The following DDHD1 variants were observed in gnomAD, a reference collection of about 807,000 sequenced individuals.
The protein encoded by DDHD1 is DDHD domain containing 1.
Under a neutral mutation model 96.4 loss-of-function variants are expected in DDHD1, and 49 were observed. The observed-to-expected ratio is 0.51, with a 90% CI of 0.40 to 0.64. The LOEUF (loss-of-function observed/expected upper bound fraction) is 0.64, where lower values mean the gene tolerates loss of function less well. Ranked by LOEUF, DDHD1 falls within the 30% of genes least tolerant of loss-of-function variation. DDHD1 has a pLI of 0.00. For missense variants in DDHD1, 1,106 were observed against 1,161.2 expected (o/e 0.95, Z 0.69); for synonymous variants, 442 against 446.5 (o/e 0.99, Z 0.13).
chr14:53,147,331 T>C (rs969340278), intron 1 of DDHD1, among the ~76,000 whole-genome samples: 8 of 152,164 alleles, frequency 5.3e-5, no homozygotes, highest in Admixed American at 1.3e-4. Flanking sequence ...AAGGTCTCTT[T>C]TATAAGAAAA....
At chr14:53,129,705 CT>C (rs973484841) in intron 1 of DDHD1, among the ~76,000 whole-genome samples, 9 of 152,166 alleles carry the variant, frequency 5.9e-5, no homozygotes, top group Admixed American at 5.9e-4. Flanking sequence ...ACCTCCATTC[CT>C]CCTTCTTCTC....
At chr14:53,051,984 TTCAA>T in intron 11 of DDHD1, 57 bp from the exon 12 acceptor site, 1 of 1,348,450 alleles carries the variant, frequency 7.4e-7, no homozygotes, top group African/African-American at 1.5e-5. Context: ...AAAAATGGCC[TTCAA>T]TGATGTAGTG....
intron 4 of DDHD1, among the ~76,000 whole-genome samples, chr14:53,075,043 G>A (rs772951353): frequency 9.9e-5 from 15 of 152,046 alleles, no homozygotes; most frequent in Admixed American, 2.6e-4. Flanking sequence ...CTCCTGCTCC[G>A]AGGGCTTCCG....
chr14:53,088,155 T>C (rs1248105196), intron 4 of DDHD1, among the ~76,000 whole-genome samples: 1 of 151,856 alleles, frequency 6.6e-6, no homozygotes, highest in East Asian at 1.9e-4. Context: ...AATAATAGGC[T>C]CTGAAATTAA....
intron 1 of DDHD1, among the ~76,000 whole-genome samples, chr14:53,145,323 A>G (rs944373913): frequency 6.6e-6 from 1 of 151,758 alleles, no homozygotes; most frequent in South Asian, 2.1e-4. Context: ...ACATAGGAAG[A>G]CCATGTCTCT....
intron 2 of DDHD1, among the ~76,000 whole-genome samples, chr14:53,097,201 T>C (rs1886953060): frequency 6.6e-6 from 1 of 151,998 alleles, no homozygotes; most frequent in South Asian, 2.1e-4. Flanking sequence ...AAAGGTTAAA[T>C]ACTGCTCAAA....
rs186100944 is a variant in DDHD1, at chr14:53,081,032, T to C, written c.1290-7185A>G. On this transcript the variant is annotated intron_variant, in intron 4 of 12. Transcript: ENST00000673822. ...GAGAAGTCTATCTTCATTTTCAGTATATTTTAAAAGACATTGCATTATAAT... is the reference window on the plus strand; with the variant it reads ...GAGAAGTCTATCTTCATTTTCAGTACATTTTAAAAGACATTGCATTATAAT... 3.6e-3 allele frequency among the ~76,000 whole-genome samples: 541 copies of C among 152,352 alleles called. 4 individuals carry two copies. Among genetic ancestry groups the C allele is most frequent in the African/African-American group, 0.012 (510 of 41,586 alleles).
At position 53,058,454 on chromosome 14, in the gene DDHD1, A is replaced by G. The variant is rs192262781; in HGVS notation, c.1992+23T>C. ...AGGAACAATTTGACATTGAGAAAAA[A>G]AAGAGTCTATATTGCAACTCACCAC... On this transcript the variant is annotated intron_variant, in intron 9 of 12. Coordinates refer to ENST00000673822, the MANE Select transcript of DDHD1 (RefSeq NM_001160148.2). 8.2e-6 allele frequency: 13 copies of G among 1,581,226 alleles called. No individual in the cohort carries two copies. In the East Asian group the frequency reaches 2.0e-4, roughly 25 times the overall value.
chr14:53,063,414 G>T (rs1183125892), intron 6 of DDHD1, among the ~76,000 whole-genome samples: 1 of 151,434 alleles, frequency 6.6e-6, no homozygotes, highest in Non-Finnish European at 1.5e-5. Flanking sequence ...AAGAACATAG[G>T]CAGATACTAC....
chr14:53,070,740 A>G (rs368522192), intron 6 of DDHD1, among the ~76,000 whole-genome samples: 1 of 152,212 alleles, frequency 6.6e-6, no homozygotes, highest in Non-Finnish European at 1.5e-5. Context: ...TAAACCTGTT[A>G]ACTCTGAAAT....
chr14:53,139,685 CAAAACA>C lies in DDHD1; in HGVS notation c.838+12570_838+12575del, dbSNP rs563784415. ...TCAGCAACAGAGTGAGACCCTGTCT[CAAAACA>C]AAAACAAAAACAAAAACAAAAAAAC... On this transcript the variant is annotated intron_variant, in intron 1 of 12. Transcript: ENST00000673822. Among the ~76,000 whole-genome samples the C allele has an allele frequency of 1.2e-3, 189 of 151,650 alleles. 1 individual carries two copies. The highest frequency in any genetic ancestry group is 3.7e-3 in the African/African-American group (152 of 41,268).
At position 53,138,144 on chromosome 14, in the gene DDHD1, C is replaced by T. The variant is rs1357802747; in HGVS notation, c.838+14117G>A. 3.3e-5 allele frequency among the ~76,000 whole-genome samples: 5 copies of T among 152,338 alleles called. No individual in the cohort carries two copies. In the East Asian group the frequency reaches 9.6e-4, roughly 29 times the overall value. Reference sequence around the variant, plus strand: ...TAAAGGCTGGGTGCGGTGGCCCATGCCTGTAATCCCAGGACTTTCAGAGGC... The same window carrying T: ...TAAAGGCTGGGTGCGGTGGCCCATGTCTGTAATCCCAGGACTTTCAGAGGC... On this transcript the variant is annotated intron_variant, in intron 1 of 12. Transcript: ENST00000673822.
At chr14:53,107,443 G>A (rs550261078) in intron 1 of DDHD1, among the ~76,000 whole-genome samples, 3 of 152,114 alleles carry the variant, frequency 2.0e-5, no homozygotes, top group Non-Finnish European at 4.4e-5. Flanking sequence ...GGGCAGGATG[G>A]AGCAGGATGG....
chr14:53,072,771 A>C lies in DDHD1; in HGVS notation c.1397-68T>G. On this transcript the variant is annotated intron_variant, in intron 5 of 12. Coordinates refer to ENST00000673822, the MANE Select transcript of DDHD1 (RefSeq NM_001160148.2). ...CTCTGTTACAGGAAAGTAATAGTGA[A>C]GAAAATTACGTTGCCTGAAATAGTA... 4.9e-6 allele frequency: 5 copies of C among 1,012,082 alleles called. No homozygotes were observed. The South Asian group carries it at 6.5e-5, about 13-fold the overall frequency. The allele number at this position is 1,012,082 out of a possible 1,614,324, so 62.7% of individuals were successfully genotyped here.
At chr14:53,134,267 A>G (rs1259225881) in intron 1 of DDHD1, among the ~76,000 whole-genome samples, 1 of 152,120 alleles carries the variant, frequency 6.6e-6, no homozygotes, top group Non-Finnish European at 1.5e-5. Context: ...GCTGGTTTAC[A>G]CTTTTCCTCC....
intron 6 of DDHD1, among the ~76,000 whole-genome samples, chr14:53,064,377 T>C (rs1566530231): frequency 1.3e-5 from 2 of 152,082 alleles, no homozygotes; most frequent in Non-Finnish European, 2.9e-5. Context: ...TATACTTTAG[T>C]ACTCTGACAA....
At chr14:53,113,986 G>A (rs1595200220) in intron 1 of DDHD1, among the ~76,000 whole-genome samples, 1 of 152,224 alleles carries the variant, frequency 6.6e-6, no homozygotes, top group South Asian at 2.1e-4. Context: ...AATTCTCACT[G>A]TCAGCACAGC....
At chr14:53,108,337 C>T (rs1353066881) in intron 1 of DDHD1, among the ~76,000 whole-genome samples, 3 of 152,306 alleles carry the variant, frequency 2.0e-5, no homozygotes, top group African/African-American at 4.8e-5. Context: ...GGTTCTCTTC[C>T]GTGACCCACG....
At chr14:53,083,886 G>A (rs1419481058) in intron 4 of DDHD1, among the ~76,000 whole-genome samples, 2 of 152,114 alleles carry the variant, frequency 1.3e-5, no homozygotes, top group African/African-American at 4.8e-5. Context: ...AGAAATGATA[G>A]CAATGCTCCT....
Sources: gnomAD v4.1 joint callset for allele counts (sites outside exome capture counted in the v4.1 genomes callset) on GRCh38, gnomAD v4.1.1 for gene constraint, MANE v1.5 for transcripts, NCBI Gene and HGNC (gene_info 2026-07-23, HGNC 2026-07-21) for gene names.